DLG2: variants seen among roughly 807,000 people sequenced by gnomAD.
DLG2 encodes discs large MAGUK scaffold protein 2, also known as disks large homolog 2.
Under a neutral mutation model 132.5 loss-of-function variants are expected in DLG2, and 45 were observed. That is an observed-to-expected ratio of 0.34 (90% CI 0.27 to 0.44). The LOEUF (loss-of-function observed/expected upper bound fraction) is 0.44. Among genes scored for constraint, DLG2 ranks in the 20% least tolerant of loss-of-function variants. The probability of loss-of-function intolerance (pLI) is 1.00; values close to 1 mark genes in which losing one functional copy is unlikely to be tolerated. For missense variants in DLG2, 1,045 were observed against 1,196.9 expected (o/e 0.87, Z 1.87); for synonymous variants, 424 against 419.6 (o/e 1.01, Z -0.13).
chr11:83,833,595 A>T lies in DLG2; in HGVS notation c.1722+19T>A, dbSNP rs1377835827. 1 of 1,603,824 alleles carries T rather than the reference A, an allele frequency of 6.2e-7. No homozygotes were observed. Among genetic ancestry groups the T allele is most frequent in the Non-Finnish European group, 8.5e-7 (1 of 1,175,212 alleles). On this transcript the variant is annotated intron_variant, in intron 17 of 27. Coordinates refer to ENST00000376104, the MANE Select transcript of DLG2 (RefSeq NM_001142699.3). ...GGCGTCAGATATGGAGGGAATAAAG[A>T]TTAAAGAAACATACTCACCGATAGG...
intron 6 of DLG2, among the ~76,000 whole-genome samples, chr11:84,760,449 T>C (rs2067461613): frequency 6.6e-6 from 1 of 152,210 alleles, no homozygotes; most frequent in Non-Finnish European, 1.5e-5. Flanking sequence ...GTCTGGGGTT[T>C]GCCTTTCCTT....
rs1352573535 is a variant in DLG2 at position 84,402,407 on chromosome 11, G to A, written c.519+132163C>T. Among the ~76,000 whole-genome samples the A allele has an allele frequency of 2.6e-5, 4 of 152,254 alleles. No homozygotes were observed. The East Asian group carries it at 5.8e-4, about 22-fold the overall frequency. On this transcript the variant is annotated intron_variant, in intron 7 of 27. Transcript: ENST00000376104. ...TTTGATGGGAAATTTAAGGCTGATT[G>A]ATATTAAGTGGCAACATAGATTATA... is the stretch of plus-strand genomic sequence containing the variant.
At chr11:85,495,924 G>C (rs1597921706) in intron 3 of DLG2, among the ~76,000 whole-genome samples, 1 of 152,264 alleles carries the variant, frequency 6.6e-6, no homozygotes, top group East Asian at 1.9e-4. Context: ...TGTGGCACAT[G>C]ATTGGCTTCC....
chr11:84,150,312 T>C (rs2095253261), intron 9 of DLG2, among the ~76,000 whole-genome samples: 1 of 152,176 alleles, frequency 6.6e-6, no homozygotes, highest in Non-Finnish European at 1.5e-5. Flanking sequence ...TAAATCTTTT[T>C]GTGGCTACTA....
intron 16 of DLG2, among the ~76,000 whole-genome samples, chr11:83,847,256 C>G (rs756776079): frequency 6.6e-6 from 1 of 152,048 alleles, no homozygotes; most frequent in African/African-American, 2.4e-5. Flanking sequence ...ATGTCTGAAA[C>G]TATTATGAAG....
At chr11:83,530,996 C>T (rs920939958) in intron 21 of DLG2, among the ~76,000 whole-genome samples, 4 of 151,888 alleles carry the variant, frequency 2.6e-5, no homozygotes, top group Non-Finnish European at 5.9e-5. Flanking sequence ...ACTCATACAA[C>T]GTACAAATAC....
At chr11:84,058,588 G>T (rs2096542609) in intron 11 of DLG2, among the ~76,000 whole-genome samples, 1 of 150,924 alleles carries the variant, frequency 6.6e-6, no homozygotes, top group Non-Finnish European at 1.5e-5. Flanking sequence ...TTGAGAGGCT[G>T]AGATGGGAGG....
chr11:84,281,679 G>GA (rs1042202559), intron 7 of DLG2, among the ~76,000 whole-genome samples: 39 of 133,008 alleles, frequency 2.9e-4, no homozygotes, highest in Admixed American at 1.4e-3. Flanking sequence ...AATTCAATCA[G>GA]AAAAAAAAAC....
intron 22 of DLG2, among the ~76,000 whole-genome samples, chr11:83,476,262 G>A (rs1051766507): frequency 6.6e-6 from 1 of 152,082 alleles, no homozygotes; most frequent in African/African-American, 2.4e-5. Context: ...TAGATGGCAA[G>A]TACATACCAC....
intron 17 of DLG2, among the ~76,000 whole-genome samples, chr11:83,827,051 G>A (rs1319106006): frequency 1.3e-5 from 2 of 152,034 alleles, no homozygotes; most frequent in Admixed American, 6.5e-5. Context: ...GGAAAGCAAG[G>A]TTCCTTCATG....
intron 17 of DLG2, among the ~76,000 whole-genome samples, chr11:83,825,773 A>C (rs2052569477): frequency 6.6e-6 from 1 of 152,174 alleles, no homozygotes; most frequent in Admixed American, 6.5e-5. Flanking sequence ...TTTGTTAGTA[A>C]ATAACTGCTG....
intron 6 of DLG2, among the ~76,000 whole-genome samples, chr11:85,098,895 G>A (rs2152264702): frequency 6.6e-6 from 1 of 152,288 alleles, no homozygotes; most frequent in South Asian, 2.1e-4. Context: ...TTCCCTCACT[G>A]CTATCCCTTC....
intron 9 of DLG2, among the ~76,000 whole-genome samples, chr11:84,161,696 G>A (rs1655556706): frequency 6.6e-6 from 1 of 152,146 alleles, no homozygotes; most frequent in Admixed American, 6.6e-5. Flanking sequence ...ATTGGATAAG[G>A]AAAAAGGAGA....
At chr11:85,254,939 T>G (rs980771492) in intron 4 of DLG2, among the ~76,000 whole-genome samples, 2 of 148,202 alleles carry the variant, frequency 1.3e-5, no homozygotes, top group Admixed American at 6.8e-5. Flanking sequence ...GCGGAGCTTA[T>G]AGTAAGCCAA....
chr11:83,997,730 C>CAAAAAAAAAAAAAAAA (rs71066079), intron 11 of DLG2, among the ~76,000 whole-genome samples: 9 of 24,796 alleles, frequency 3.6e-4, no homozygotes, highest in African/African-American at 7.4e-4. Flanking sequence ...GACTCCATCT[C>CAAAAAAAAAAAAAAAA]AAAAAAAAAA....
Position 83,799,180 on chromosome 11 carries a change from T to C in DLG2, c.1723-12388A>G, listed in dbSNP as rs1012018684. On this transcript the variant is annotated intron_variant, in intron 17 of 27. Transcript: ENST00000376104. The stretch of plus-strand genomic sequence containing the variant: ...TAACAGGGAAACTACAGATATCACA[T>C]TCAATGTTGAATTGTGAGCAGTCTG... Among the ~76,000 whole-genome samples the C allele has an allele frequency of 3.3e-5, 5 of 152,342 alleles. No individual in the cohort carries two copies. In the East Asian group the frequency reaches 9.6e-4, roughly 29 times the overall value.
At chr11:84,994,452 T>C (rs1398847444) in intron 6 of DLG2, among the ~76,000 whole-genome samples, 1 of 152,150 alleles carries the variant, frequency 6.6e-6, no homozygotes, top group Non-Finnish European at 1.5e-5. Flanking sequence ...GCCACTGAAG[T>C]TAAGGTGGTT....
At chr11:83,566,712 GGTGT>G (rs59829516) in intron 19 of DLG2, among the ~76,000 whole-genome samples, 12,121 of 143,852 alleles carry the variant, frequency 0.084, 944 homozygotes, top group African/African-American at 0.21. Context: ...CAGAGGGCAT[GGTGT>G]GTGTGTGTGT....
chr11:85,546,403 T>C (rs2076326721), intron 3 of DLG2, among the ~76,000 whole-genome samples: 1 of 152,214 alleles, frequency 6.6e-6, no homozygotes, highest in South Asian at 2.1e-4. Flanking sequence ...AGGAGTGTTT[T>C]ACTTCCAATT....
Sources: allele counts gnomAD v4.1 joint callset (sites outside exome capture counted in the v4.1 genomes callset), GRCh38; gene constraint gnomAD v4.1.1; transcripts MANE v1.5; gene names NCBI Gene and HGNC (gene_info 2026-07-23, HGNC 2026-07-21).